RAPGEF4: variants seen among roughly 807,000 people sequenced by gnomAD.
RAPGEF4 encodes RAP guanine-nucleotide-exchange factor (GEF) 4.
RAPGEF4 carries 66 observed loss-of-function variants against 147.9 expected under a neutral mutation model. The observed-to-expected ratio is 0.45, with a 90% CI of 0.37 to 0.55. The LOEUF (loss-of-function observed/expected upper bound fraction) is 0.55. Ranked by LOEUF, RAPGEF4 falls within the 20% of genes least tolerant of loss-of-function variation. The pLI is 0.00. For missense variants in RAPGEF4, 1,071 were observed against 1,257.3 expected, an observed-to-expected ratio of 0.85 and a Z score of 2.24; for synonymous variants, 419 against 442.7, an observed-to-expected ratio of 0.95 and a Z score of 0.67.
chr2:172,953,502 CAGAG>C (rs1426066475), intron 6 of RAPGEF4, among the ~76,000 whole-genome samples: 2 of 151,672 alleles, frequency 1.3e-5, no homozygotes, highest in East Asian at 3.9e-4. Flanking sequence ...GAGAGACAGA[CAGAG>C]AGAGAGTATA....
chr2:172,761,817 A>G (rs975089389), intron 1 of RAPGEF4, among the ~76,000 whole-genome samples: 1 of 151,924 alleles, frequency 6.6e-6, no homozygotes, highest in Non-Finnish European at 1.5e-5. Context: ...TGTTTCCACT[A>G]TCCTTAAAAA....
intron 16 of RAPGEF4, among the ~76,000 whole-genome samples, chr2:172,999,091 T>C (rs1257912306): frequency 6.6e-6 from 1 of 152,198 alleles, no homozygotes; most frequent in Non-Finnish European, 1.5e-5. Context: ...GTAGCCTGAT[T>C]ATTTCTTCTT....
intron 4 of RAPGEF4, among the ~76,000 whole-genome samples, chr2:172,896,406 T>C (rs1251910486): frequency 6.6e-6 from 1 of 152,232 alleles, no homozygotes; most frequent in Non-Finnish European, 1.5e-5. Flanking sequence ...ATTCTCTTAC[T>C]CACATTTTGT....
At chr2:172,800,472 A>G (rs1462222436) in intron 3 of RAPGEF4, among the ~76,000 whole-genome samples, 6 of 152,218 alleles carry the variant, frequency 3.9e-5, no homozygotes, top group Non-Finnish European at 2.9e-5. Context: ...TCTGCCCACT[A>G]ACAATGTGGT....
At chr2:172,740,469 A>G (rs1694205252) in intron 1 of RAPGEF4, among the ~76,000 whole-genome samples, 2 of 152,224 alleles carry the variant, frequency 1.3e-5, no homozygotes, top group South Asian at 2.1e-4. Context: ...TACTCCATGG[A>G]CAGTTTCCAT....
intron 4 of RAPGEF4, among the ~76,000 whole-genome samples, chr2:172,815,108 A>G (rs944140518): frequency 6.6e-6 from 1 of 152,100 alleles, no homozygotes; most frequent in African/African-American, 2.4e-5. Flanking sequence ...CATCTTTTAC[A>G]CTCGTTCTTT....
intron 4 of RAPGEF4, among the ~76,000 whole-genome samples, chr2:172,906,660 T>C (rs1452424772): frequency 6.6e-6 from 1 of 152,190 alleles, no homozygotes; most frequent in Non-Finnish European, 1.5e-5. Flanking sequence ...CATGCCACTC[T>C]GGCCTGCCTG....
At chr2:172,879,946 C>T (rs576658937) in intron 4 of RAPGEF4, among the ~76,000 whole-genome samples, 1 of 152,154 alleles carries the variant, frequency 6.6e-6, no homozygotes, top group African/African-American at 2.4e-5. Flanking sequence ...AAAAGCTTTT[C>T]CTTTTTATTT....
intron 4 of RAPGEF4, among the ~76,000 whole-genome samples, chr2:172,885,113 A>C (rs940544688): frequency 3.9e-5 from 6 of 152,190 alleles, no homozygotes; most frequent in African/African-American, 1.4e-4. Context: ...CAGCACAGAC[A>C]CTTCAGGGAT....
chr2:172,792,401 T>C (rs1685911309), intron 1 of RAPGEF4, among the ~76,000 whole-genome samples: 1 of 152,182 alleles, frequency 6.6e-6, no homozygotes, highest in Non-Finnish European at 1.5e-5. Flanking sequence ...CTGATACTGA[T>C]GTGTTGTATT....
At position 173,016,457 on chromosome 2, in the gene RAPGEF4, T is replaced by TG. The variant is rs771818213; in HGVS notation, c.1898+25dup. The TG allele has an allele frequency of 6.4e-7, 1 of 1,572,208 alleles. No individual in the cohort carries two copies. The highest frequency in any genetic ancestry group is 8.8e-7 in the Non-Finnish European group (1 of 1,142,142). The stretch of plus-strand genomic sequence containing the variant: ...GCAAATGTAAGGAAGGGCTTGACTG[T>TG]GGGGGTGTGCTTTCATCAAGTAAAT... On this transcript the variant is annotated intron_variant, in intron 19 of 30. Transcript: ENST00000397081.
chr2:173,006,719 C>G (rs1241124763), intron 17 of RAPGEF4, among the ~76,000 whole-genome samples: 1 of 152,154 alleles, frequency 6.6e-6, no homozygotes, highest in South Asian at 2.1e-4. Flanking sequence ...TCAAAATCTG[C>G]TTTTCTTTTT....
intron 8 of RAPGEF4, among the ~76,000 whole-genome samples, chr2:172,962,522 A>C (rs920092879): frequency 1.3e-5 from 2 of 152,114 alleles, no homozygotes; most frequent in African/African-American, 4.8e-5. Context: ...AAGCAAACCT[A>C]CTCAAGGACA....
chr2:172,979,010 T>A (rs1691395570), intron 10 of RAPGEF4, among the ~76,000 whole-genome samples: 1 of 152,234 alleles, frequency 6.6e-6, no homozygotes, highest in Non-Finnish European at 1.5e-5. Context: ...TGAGTATCTT[T>A]AGCTGGTCTA....
At chr2:172,968,973 A>G (rs1027662877) in intron 10 of RAPGEF4, among the ~76,000 whole-genome samples, 2 of 152,194 alleles carry the variant, frequency 1.3e-5, no homozygotes, top group African/African-American at 4.8e-5. Flanking sequence ...CATCCAAGCC[A>G]ACATATGCAG....
At chr2:172,853,096 A>G (rs917224543) in intron 4 of RAPGEF4, among the ~76,000 whole-genome samples, 1 of 150,010 alleles carries the variant, frequency 6.7e-6, no homozygotes, top group African/African-American at 2.4e-5. Flanking sequence ...TGTTCATAGC[A>G]ATTTTTTTCT....
chr2:172,877,849 C>G (rs956151583), intron 4 of RAPGEF4, among the ~76,000 whole-genome samples: 1 of 152,146 alleles, frequency 6.6e-6, no homozygotes, highest in African/African-American at 2.4e-5. Flanking sequence ...CAGTGACTCT[C>G]CTAGCTATTG....
intron 19 of RAPGEF4, 34 bp from the exon 20 acceptor site, chr2:173,017,140 G>T (rs1695577654): frequency 1.3e-6 from 2 of 1,592,738 alleles, no homozygotes; most frequent in Non-Finnish European, 1.7e-6. Flanking sequence ...AGTAGCAATG[G>T]TATTAAATAA....
Position 172,922,280 on chromosome 2 carries a change from G to C in RAPGEF4, c.518-1G>C, listed in dbSNP as rs766446500. ...CTCTCTGTCTCTTTTTCCTCCTTTA[G>C]GGATTCCTGACAAGGAGAACGTGAG... On this transcript the variant is annotated splice_acceptor_variant, in intron 5 of 30. Transcript: ENST00000397081. LOFTEE classifies it high-confidence loss of function. 1 of 1,607,060 alleles carries C rather than the reference G, an allele frequency of 6.2e-7. No homozygotes were observed. Among genetic ancestry groups the C allele is most frequent in the Non-Finnish European group, 8.5e-7 (1 of 1,173,762 alleles).
Sources: gnomAD v4.1 joint callset for allele counts (sites outside exome capture counted in the v4.1 genomes callset) on GRCh38, gnomAD v4.1.1 for gene constraint, MANE v1.5 for transcripts, NCBI Gene and HGNC (gene_info 2026-07-23, HGNC 2026-07-21) for gene names.